TRPM7: variants seen among roughly 807,000 people sequenced by gnomAD.
TRPM7 encodes the protein LTRPC ion channel family member 7.
A neutral mutation model predicts 229.7 loss-of-function variants in TRPM7; 134 were observed. That is an observed-to-expected ratio of 0.58 (90% CI 0.51 to 0.67). TRPM7 has a LOEUF of 0.67. TRPM7 is among the 30% of genes least tolerant of loss of function. TRPM7 has a pLI of 0.00. For missense variants in TRPM7, 1,901 were observed against 2,210.0 expected (o/e 0.86, Z 2.80); for synonymous variants, 699 against 715.2 (o/e 0.98, Z 0.36).
At chr15:50,573,673 C>G (rs184390713) in intron 36 of TRPM7, among the ~76,000 whole-genome samples, 1 of 152,244 alleles carries the variant, frequency 6.6e-6, no homozygotes, top group Admixed American at 6.5e-5. Flanking sequence ...AAGAAACGGT[C>G]TTTATACTTT....
rs971206674 is a variant in TRPM7 at position 50,575,929 on chromosome 15, C to T, written c.4619-10G>A. ...AATGGAGAAGTGAGACCTAGAATGG[C>T]AAATAAACAAACGAGACCATTTAAA... On this transcript the variant is annotated splice_polypyrimidine_tract_variant and intron_variant, in intron 31 of 38. Coordinates refer to ENST00000646667, the MANE Select transcript of TRPM7 (RefSeq NM_017672.6). 1.2e-6 allele frequency: 2 copies of T among 1,612,508 alleles called. No homozygotes were observed. The highest frequency in any genetic ancestry group is 2.7e-5 in the African/African-American group (2 of 74,938).
At chr15:50,646,621 G>A (rs1206324520) in intron 4 of TRPM7, among the ~76,000 whole-genome samples, 1 of 152,136 alleles carries the variant, frequency 6.6e-6, no homozygotes, top group East Asian at 1.9e-4. Context: ...AACTGTTTTA[G>A]GGGTTTAAAA....
At chr15:50,685,031 G>A (rs56015123) in intron 1 of TRPM7, among the ~76,000 whole-genome samples, 52,935 of 152,168 alleles carry the variant, frequency 0.35, 10,418 homozygotes, top group Admixed American at 0.48. Context: ...ATCCATAAAT[G>A]ACATTTGTCT....
chr15:50,628,547 C>T (rs187072157), intron 10 of TRPM7, among the ~76,000 whole-genome samples: 1 of 152,280 alleles, frequency 6.6e-6, no homozygotes, highest in Non-Finnish European at 1.5e-5. Flanking sequence ...CTCAAGTGAT[C>T]CTGCCACTTC....
At chr15:50,678,239 C>CAAAAAAAAA (rs527874854) in intron 1 of TRPM7, among the ~76,000 whole-genome samples, 3 of 92,090 alleles carry the variant, frequency 3.3e-5, no homozygotes, top group African/African-American at 1.1e-4. Flanking sequence ...GACTCTCTCT[C>CAAAAAAAAA]AAAAAAAAAA....
intron 7 of TRPM7, 101 bp downstream of exon 7, chr15:50,637,321 G>A: frequency 9.3e-7 from 1 of 1,072,334 alleles, no homozygotes; most frequent in African/African-American, 1.6e-5. Context: ...ATCTTGCTAT[G>A]TAAGAAAGAG....
At chr15:50,580,417 C>A (rs1264522666) in intron 30 of TRPM7, among the ~76,000 whole-genome samples, 1 of 152,158 alleles carries the variant, frequency 6.6e-6, no homozygotes, top group Non-Finnish European at 1.5e-5. Flanking sequence ...TCTAGTGGAT[C>A]TTCCTGTATG....
chr15:50,645,074 T>A (rs185337819), intron 4 of TRPM7, among the ~76,000 whole-genome samples: 30 of 152,178 alleles, frequency 2.0e-4, no homozygotes, highest in African/African-American at 1.9e-4. Context: ...GCTAATTTTT[T>A]AAATATTTTT....
intron 4 of TRPM7, 31 bp downstream of exon 4, chr15:50,648,656 T>C: frequency 6.4e-7 from 1 of 1,551,392 alleles, no homozygotes; most frequent in Non-Finnish European, 8.7e-7. Flanking sequence ...AATAACAACA[T>C]AAATGAAGAA....
chr15:50,612,396 A>G (rs1261672166), intron 16 of TRPM7, among the ~76,000 whole-genome samples, 153 bp downstream of exon 16: 1 of 152,170 alleles, frequency 6.6e-6, no homozygotes, highest in Admixed American at 6.5e-5. Flanking sequence ...TTTTAATTAA[A>G]AAAATATATA....
intron 5 of TRPM7, 21 bp from the exon 6 acceptor site, chr15:50,639,569 T>C (rs2061025183): frequency 1.3e-6 from 2 of 1,597,332 alleles, no homozygotes; most frequent in Non-Finnish European, 8.5e-7. Context: ...AAAAAGTTTA[T>C]TCATTTTGTT....
chr15:50,678,555 C>T (rs371302361), intron 1 of TRPM7, among the ~76,000 whole-genome samples: 1 of 143,954 alleles, frequency 6.9e-6, no homozygotes, highest in Admixed American at 7.0e-5. Context: ...CACACACACA[C>T]ATATACATAA....
At chr15:50,571,546 CTATGA>C (rs2053886233) in intron 36 of TRPM7, among the ~76,000 whole-genome samples, 1 of 150,548 alleles carries the variant, frequency 6.6e-6, no homozygotes, top group African/African-American at 2.4e-5. Context: ...TAGAAAATGC[CTATGA>C]TATATCGTTA....
intron 28 of TRPM7, among the ~76,000 whole-genome samples, chr15:50,584,612 TTC>T (rs1356473447): frequency 2.7e-5 from 4 of 148,706 alleles, no homozygotes; most frequent in African/African-American, 4.9e-5. Flanking sequence ...TGTTTCAGAT[TTC>T]TGTTTTTTTT....
At chr15:50,670,578 G>A (rs937498005) in intron 1 of TRPM7, among the ~76,000 whole-genome samples, 6 of 151,996 alleles carry the variant, frequency 3.9e-5, no homozygotes, top group African/African-American at 1.5e-4. Context: ...ACATTCAGAA[G>A]TTACCCTATA....
At chr15:50,671,427 T>C (rs1278764154) in intron 1 of TRPM7, among the ~76,000 whole-genome samples, 1 of 152,220 alleles carries the variant, frequency 6.6e-6, no homozygotes. Context: ...GTGCATACTG[T>C]CATGTGCCAC....
At position 50,643,445 on chromosome 15, in the gene TRPM7, G is replaced by T. The variant is rs377025820; in HGVS notation, c.430C>A (p.Gln144Lys). ...KLVISVHGGM[Q>K]KFELHPRIKQ... ...ATTCGTGGGTGAAGCTCAAATTTCT[G>T]CATGCCCCCATGTACAGAGATAACA... is the stretch of plus-strand genomic sequence containing the variant. Residue 144 changes from glutamine (Q) to lysine (K), a missense_variant, in exon 5 of 39, where the codon CAG (glutamine) becomes AAG (lysine). Physicochemically the swap from Gln to Lys is moderately conservative, Grantham distance 53. This residue lies in a region of TRPM7 where 794 missense variants were observed against 881.9 expected (regional missense o/e 0.90). Coordinates refer to ENST00000646667, the MANE Select transcript of TRPM7 (RefSeq NM_017672.6). The T allele has an allele frequency of 6.2e-7, 1 of 1,614,026 alleles. No individual in the cohort carries two copies. The highest frequency in any genetic ancestry group is 8.5e-7 in the Non-Finnish European group (1 of 1,180,032).
intron 1 of TRPM7, among the ~76,000 whole-genome samples, chr15:50,683,236 A>T (rs2062281040): frequency 6.6e-6 from 1 of 151,168 alleles, no homozygotes; most frequent in African/African-American, 2.4e-5. Flanking sequence ...AGTCACTTAA[A>T]AAAAAAAAAC....
At chr15:50,578,879 T>TA (rs1159752130) in intron 30 of TRPM7, among the ~76,000 whole-genome samples, 2 of 151,280 alleles carry the variant, frequency 1.3e-5, no homozygotes. Flanking sequence ...TGTATCTACT[T>TA]ATTAATAACT....
Sources: allele counts gnomAD v4.1 joint callset (sites outside exome capture counted in the v4.1 genomes callset), GRCh38; gene constraint gnomAD v4.1.1; regional missense constraint gnomAD v4.1.1; transcripts MANE v1.5; gene names NCBI Gene and HGNC (gene_info 2026-07-23, HGNC 2026-07-21).